The following LOXHD1 variants were observed in gnomAD, a reference collection of about 807,000 sequenced individuals.
LOXHD1 encodes lipoxygenase homology domain-containing protein 1.
In LOXHD1, 205 loss-of-function variants were observed where a neutral mutation model predicts 248.2. That is an observed-to-expected ratio of 0.83 (90% confidence interval 0.74 to 0.93). The LOEUF (loss-of-function observed/expected upper bound fraction) is 0.93. LOXHD1 is among the 40% of genes least tolerant of loss of function. The pLI is 0.00. For missense variants in LOXHD1, 2,930 were observed against 2,971.6 expected (o/e 0.99, Z 0.33); for synonymous variants, 1,113 against 1,162.8 (o/e 0.96, Z 0.87).
intron 35 of LOXHD1, among the ~76,000 whole-genome samples, chr18:46,508,303 T>A (rs964490310): frequency 6.6e-6 from 1 of 152,096 alleles, no homozygotes; most frequent in African/African-American, 2.4e-5. Flanking sequence ...TAACCCACAG[T>A]CCCTCAGAAT....
At chr18:46,546,485 T>TTCCACTCTAC (rs1407367532) in intron 22 of LOXHD1, among the ~76,000 whole-genome samples, 2 of 133,410 alleles carry the variant, frequency 1.5e-5, no homozygotes, top group East Asian at 4.6e-4. Flanking sequence ...ACCCATCACA[T>TTCCACTCTAC]TCCATTCCAT....
intron 21 of LOXHD1, among the ~76,000 whole-genome samples, chr18:46,547,542 T>C (rs1331888280): frequency 2.0e-5 from 3 of 152,170 alleles, no homozygotes; most frequent in Non-Finnish European, 2.9e-5. Context: ...GGAGCTGGCA[T>C]AGAAGACTGC....
intron 4 of LOXHD1, among the ~76,000 whole-genome samples, chr18:46,636,088 A>G (rs934673242): frequency 1.3e-5 from 2 of 152,208 alleles, no homozygotes; most frequent in African/African-American, 4.8e-5. Context: ...AGGATCTTCT[A>G]TCCACAAAAC....
At chr18:46,485,629 C>T (rs1456096327) in intron 38 of LOXHD1, among the ~76,000 whole-genome samples, 1 of 152,178 alleles carries the variant, frequency 6.6e-6, no homozygotes, top group Non-Finnish European at 1.5e-5. Context: ...TCAATCGTGT[C>T]TGCACAGGTG....
At chr18:46,567,390 C>T (rs985769741) in intron 16 of LOXHD1, among the ~76,000 whole-genome samples, 3 of 152,232 alleles carry the variant, frequency 2.0e-5, no homozygotes, top group Admixed American at 2.0e-4. Flanking sequence ...ATGGCAACAA[C>T]GTCAGAGCTA....
intron 23 of LOXHD1, chr18:46,544,659 G>A: frequency 2.8e-6 from 1 of 354,292 alleles, no homozygotes; most frequent in East Asian, 7.4e-5. Context: ...GGCACAGAGG[G>A]GTTAAGCAAC....
intron 37 of LOXHD1, among the ~76,000 whole-genome samples, chr18:46,494,849 C>CTTTTTTTTTTTTTTTT (rs58016824): frequency 5.2e-4 from 50 of 96,552 alleles, no homozygotes; most frequent in Non-Finnish European, 8.9e-4. Context: ...TTCTCTCTCT[C>CTTTTTTTTTTTTTTTT]TTTTTTTTTT....
chr18:46,637,977 C>T (rs2038913624), intron 4 of LOXHD1, among the ~76,000 whole-genome samples: 1 of 152,032 alleles, frequency 6.6e-6, no homozygotes, highest in Admixed American at 6.6e-5. Flanking sequence ...GTTATAATAG[C>T]AAAAATTTTT....
At chr18:46,642,123 C>T (rs1371351267) in intron 2 of LOXHD1, 87 bp from the exon 3 acceptor site, 1 of 1,146,444 alleles carries the variant, frequency 8.7e-7, no homozygotes, top group Admixed American at 2.0e-5. Flanking sequence ...CCGCTTCTTC[C>T]TCCATCATCC....
chr18:46,579,051 A>G (rs1467149061), intron 13 of LOXHD1, among the ~76,000 whole-genome samples: 3 of 152,244 alleles, frequency 2.0e-5, no homozygotes, highest in Non-Finnish European at 2.9e-5. Context: ...AACAGAAGCA[A>G]GTTCTCCCAC....
intron 37 of LOXHD1, among the ~76,000 whole-genome samples, 177 bp downstream of exon 37, chr18:46,505,661 C>T (rs2034515440): frequency 6.6e-6 from 1 of 152,116 alleles, no homozygotes; most frequent in African/African-American, 2.4e-5. Flanking sequence ...AAATATTTGC[C>T]CAGAAACACT....
At chr18:46,488,931 T>C in intron 38 of LOXHD1, 41 bp downstream of exon 38, 3 of 1,537,632 alleles carry the variant, frequency 2.0e-6, no homozygotes, top group Non-Finnish European at 2.6e-6. Context: ...TCCAGCACCA[T>C]TCCCTGCCTC....
intron 34 of LOXHD1, 147 bp from the exon 35 acceptor site, chr18:46,509,962 C>T (rs2034857723): frequency 6.0e-6 from 4 of 662,614 alleles, no homozygotes; most frequent in African/African-American, 1.8e-5. Flanking sequence ...TCTCCACCAG[C>T]CCATCTCTTG....
chr18:46,538,165 G>A lies in LOXHD1; in HGVS notation c.4086C>T (p.Phe1362=), dbSNP rs1236983423. The A allele has an allele frequency of 1.3e-6, 2 of 1,532,452 alleles. No individual in the cohort carries two copies. Among genetic ancestry groups the A allele is most frequent in the African/African-American group, 1.4e-5 (1 of 72,750 alleles). The allele number at this position is 1,532,452 out of a possible 1,614,324, so 94.9% of individuals were successfully genotyped here. ...QFFERKSASR[F]IVELEDVGEI... ...TGCTGAGCCCAAGTACCTCTACGAT[G>A]AAGCGGGAGGCAGACTTCCTCTCAA... Residue 1362 remains phenylalanine (F), a synonymous_variant, in exon 26 of 41, where the codon TTC becomes TTT. Transcript: ENST00000642948.
At chr18:46,561,663 T>C (rs1238557825) in intron 18 of LOXHD1, among the ~76,000 whole-genome samples, 2 of 152,184 alleles carry the variant, frequency 1.3e-5, no homozygotes, top group Non-Finnish European at 2.9e-5. Flanking sequence ...AGATGAGAAC[T>C]CAGGCCTTCT....
At chr18:46,488,769 CCCT>C (rs1167388345) in intron 38 of LOXHD1, among the ~76,000 whole-genome samples, 200 bp downstream of exon 38, 1 of 152,170 alleles carries the variant, frequency 6.6e-6, no homozygotes, top group African/African-American at 2.4e-5. Context: ...CCTAATTAGT[CCCT>C]GTGATTCTGA....
chr18:46,509,910 A>G, intron 34 of LOXHD1, 95 bp from the exon 35 acceptor site: 1 of 873,354 alleles, frequency 1.1e-6, no homozygotes, highest in Non-Finnish European at 1.9e-6. Flanking sequence ...GGTGAGGGAG[A>G]AGATTAGGCC....
At position 46,576,395 on chromosome 18, in the gene LOXHD1, T is replaced by A. The variant is rs547849767; in HGVS notation, c.1970+1312A>T. 1.4e-4 allele frequency among the ~76,000 whole-genome samples: 21 copies of A among 151,908 alleles called. No homozygotes were observed. In the South Asian group the frequency reaches 4.4e-3, roughly 32 times the overall value. ...TCCACCCTCTCCCACCCCAGCCTTC[T>A]CACTCCTTCCCCACATGCCAGGCGC... is the stretch of plus-strand genomic sequence containing the variant. On this transcript the variant is annotated intron_variant, in intron 14 of 40. Coordinates refer to ENST00000642948, the MANE Select transcript of LOXHD1 (RefSeq NM_001384474.1).
chr18:46,645,771 GAA>G (rs370511433), intron 2 of LOXHD1, among the ~76,000 whole-genome samples: 1 of 147,108 alleles, frequency 6.8e-6, no homozygotes, highest in African/African-American at 2.5e-5. Context: ...TCTGTACTAG[GAA>G]AAAAAAAAAT....
Sources: gnomAD v4.1 joint callset for allele counts (sites outside exome capture counted in the v4.1 genomes callset) on GRCh38, gnomAD v4.1.1 for gene constraint, MANE v1.5 for transcripts, NCBI Gene and HGNC (gene_info 2026-07-23, HGNC 2026-07-21) for gene names.